Variants in SHROOM3 observed in about 807,000 individuals in gnomAD.
The protein encoded by SHROOM3 is protein Shroom3.
A neutral mutation model predicts 138.6 loss-of-function variants in SHROOM3; 47 were observed. That is an observed-to-expected ratio of 0.34 (90% CI 0.27 to 0.43). The LOEUF (loss-of-function observed/expected upper bound fraction) is 0.43, where lower values mean the gene tolerates loss of function less well. SHROOM3 is among the 20% of genes least tolerant of loss of function. The probability of loss-of-function intolerance (pLI) is 1.00; values close to 1 mark genes in which losing one functional copy is unlikely to be tolerated. For missense variants in SHROOM3, 2,491 were observed against 2,596.5 expected (o/e 0.96, Z 0.88); for synonymous variants, 1,062 against 1,063.3 (o/e 1.00, Z 0.02).
At chr4:76,696,018 A>C (rs1332617800) in intron 2 of SHROOM3, among the ~76,000 whole-genome samples, 2 of 152,174 alleles carry the variant, frequency 1.3e-5, no homozygotes, top group African/African-American at 4.8e-5. Context: ...AATTATGTCC[A>C]TCCAAATGAG....
chr4:76,519,440 TA>T (rs1161909333), intron 1 of SHROOM3, among the ~76,000 whole-genome samples: 3 of 152,192 alleles, frequency 2.0e-5, no homozygotes, highest in African/African-American at 7.2e-5. Context: ...AATAGAAAAA[TA>T]ACAATATAAA....
chr4:76,702,520 A>G (rs940463944), intron 2 of SHROOM3, among the ~76,000 whole-genome samples: 2 of 152,178 alleles, frequency 1.3e-5, no homozygotes, highest in East Asian at 1.9e-4. Context: ...TTTATAGGGG[A>G]AAAAACAGGC....
intron 2 of SHROOM3, among the ~76,000 whole-genome samples, chr4:76,612,786 A>G (rs56281442): frequency 0.27 from 41,287 of 151,986 alleles, 7,169 homozygotes; most frequent in Middle Eastern, 0.46. Context: ...CAATCAATCA[A>G]TCAAGAAGCC....
chr4:76,464,624 A>G (rs1303256778), intron 1 of SHROOM3, among the ~76,000 whole-genome samples: 1 of 152,134 alleles, frequency 6.6e-6, no homozygotes, highest in Non-Finnish European at 1.5e-5. Flanking sequence ...CCCAAATCTC[A>G]TGTCCTATTG....
chr4:76,471,390 C>T (rs1199516836), intron 1 of SHROOM3, among the ~76,000 whole-genome samples: 1 of 151,990 alleles, frequency 6.6e-6, no homozygotes, highest in African/African-American at 2.4e-5. Context: ...ACTACAGGTG[C>T]ACACCACCAC....
At chr4:76,570,768 C>A (rs1733820103) in intron 2 of SHROOM3, among the ~76,000 whole-genome samples, 1 of 152,332 alleles carries the variant, frequency 6.6e-6, no homozygotes, top group Non-Finnish European at 1.5e-5. Flanking sequence ...GACAGCCCTG[C>A]AACAGTGAGG....
chr4:76,446,420 C>G (rs759561274), intron 1 of SHROOM3, among the ~76,000 whole-genome samples: 1 of 73,600 alleles, frequency 1.4e-5, no homozygotes, highest in Non-Finnish European at 4.5e-5. Flanking sequence ...GAAATGGCGG[C>G]GGTGGGGGAT....
intron 2 of SHROOM3, among the ~76,000 whole-genome samples, chr4:76,699,012 T>G (rs1719827281): frequency 6.6e-6 from 1 of 152,200 alleles, no homozygotes; most frequent in African/African-American, 2.4e-5. Flanking sequence ...ACCCTCCCCA[T>G]GGTGACTTTC....
At chr4:76,577,265 T>C (rs2110041441) in intron 2 of SHROOM3, among the ~76,000 whole-genome samples, 1 of 152,350 alleles carries the variant, frequency 6.6e-6, no homozygotes, top group Middle Eastern at 3.4e-3. Flanking sequence ...GGTCTATATC[T>C]TTCTACATTA....
chr4:76,511,349 T>G (rs1732333554), intron 1 of SHROOM3, among the ~76,000 whole-genome samples: 1 of 151,928 alleles, frequency 6.6e-6, no homozygotes, highest in South Asian at 2.1e-4. Context: ...AAGTAAAAGA[T>G]CTAGGTGGCT....
intron 1 of SHROOM3, among the ~76,000 whole-genome samples, chr4:76,461,551 C>A (rs1389988195): frequency 6.6e-6 from 1 of 152,108 alleles, no homozygotes; most frequent in Non-Finnish European, 1.5e-5. Context: ...TTACCAGATG[C>A]AATTTTGCAT....
At chr4:76,756,158 C>T (rs770738386) in intron 7 of SHROOM3, among the ~76,000 whole-genome samples, 5 of 152,156 alleles carry the variant, frequency 3.3e-5, no homozygotes, top group Non-Finnish European at 5.9e-5. Context: ...GACTATCTCA[C>T]CCTACTCCTA....
intron 3 of SHROOM3, among the ~76,000 whole-genome samples, chr4:76,710,625 T>G (rs775062128): frequency 2.6e-5 from 4 of 152,224 alleles, no homozygotes; most frequent in Admixed American, 2.6e-4. Context: ...GATACACTTA[T>G]GTTTTATACC....
intron 10 of SHROOM3, among the ~76,000 whole-genome samples, chr4:76,773,720 G>A (rs910187764): frequency 1.3e-5 from 2 of 152,262 alleles, no homozygotes; most frequent in South Asian, 2.1e-4. Flanking sequence ...GTTTCTTTTC[G>A]CACTCTCCAG....
intron 2 of SHROOM3, among the ~76,000 whole-genome samples, chr4:76,704,340 A>G (rs1719987639): frequency 6.6e-6 from 1 of 152,230 alleles, no homozygotes; most frequent in Non-Finnish European, 1.5e-5. Flanking sequence ...GGCTGAGCTT[A>G]TGTCTTAACA....
intron 2 of SHROOM3, among the ~76,000 whole-genome samples, chr4:76,630,025 G>A (rs1735268346): frequency 6.6e-6 from 1 of 152,138 alleles, no homozygotes; most frequent in Admixed American, 6.5e-5. Context: ...ACAGGACTCA[G>A]TCTAGTCCTC....
intron 2 of SHROOM3, among the ~76,000 whole-genome samples, chr4:76,666,089 G>A (rs1030862570): frequency 1.3e-5 from 2 of 152,216 alleles, no homozygotes; most frequent in Admixed American, 6.5e-5. Context: ...AAAATTTTAT[G>A]AGGAAAATCT....
rs1294316952 is a variant in SHROOM3 at position 76,782,843 on chromosome 4, T to C, written c.*3666T>C. ...AGTATTTCCTGCTGCCTTAACTCTT[T>C]GGGATGCATAGGATAAAATGATAAA... On this transcript the variant is annotated 3_prime_UTR_variant, in exon 11 of 11. Transcript: ENST00000296043. 2 of 152,210 alleles carry C rather than the reference T, an allele frequency of 1.3e-5. No homozygotes were observed. Among genetic ancestry groups the C allele is most frequent in the African/African-American group, 4.8e-5 (2 of 41,454 alleles). The allele number at this position is 152,210 out of a possible 1,614,324, so 9.4% of individuals were successfully genotyped here.
At chr4:76,451,638 C>T (rs368137569) in intron 1 of SHROOM3, among the ~76,000 whole-genome samples, 4 of 152,074 alleles carry the variant, frequency 2.6e-5, no homozygotes, top group African/African-American at 9.7e-5. Context: ...ATGCATTTGT[C>T]AAAAACTCAT....
Sources: allele counts gnomAD v4.1 joint callset (sites outside exome capture counted in the v4.1 genomes callset), GRCh38; gene constraint gnomAD v4.1.1; transcripts MANE v1.5; gene names NCBI Gene and HGNC (gene_info 2026-07-23, HGNC 2026-07-21).